EPS15L1: variants seen among roughly 807,000 people sequenced by gnomAD.
EPS15L1 encodes epidermal growth factor receptor pathway substrate 15 like 1.
EPS15L1 carries 43 observed loss-of-function variants against 117.1 expected under a neutral mutation model. The observed-to-expected ratio is 0.37, with a 90% CI of 0.29 to 0.47. EPS15L1 has a LOEUF of 0.47. Among genes scored for constraint, EPS15L1 ranks in the 20% least tolerant of loss-of-function variants. The probability of loss-of-function intolerance (pLI) is 0.99; values close to 1 mark genes in which losing one functional copy is unlikely to be tolerated. For synonymous variants in EPS15L1, 459 were observed against 470.5 expected, an observed-to-expected ratio of 0.98 and a Z score of 0.32; for missense variants, 981 against 1,164.0, an observed-to-expected ratio of 0.84 and a Z score of 2.29.
chr19:16,402,040 A>G (rs945481092), intron 16 of EPS15L1: 21 of 1,179,860 alleles, frequency 1.8e-5, no homozygotes, highest in Non-Finnish European at 2.1e-5. Flanking sequence ...TGGTTGGCCC[A>G]ATGTAAATAC....
In EPS15L1 at chr19:16,417,589, G is replaced by A; in HGVS notation, c.1156C>T (p.Leu386Phe). Residue 386 changes from leucine to phenylalanine, a missense_variant, in exon 12 of 24, where the codon CTT (leucine) becomes TTT (phenylalanine). By Grantham distance (22) the Leu-to-Phe change is conservative. Transcript: ENST00000455140. ...GSGEFTGVKE[L>F]DDISQEIAQL... The stretch of plus-strand genomic sequence containing the variant: ...GCAATCTCTTGACTGATGTCATCAA[G>A]CTCCTTCACGCCAGTAAACTCCCCG... The A allele has an allele frequency of 6.2e-7, 1 of 1,614,170 alleles. No individual in the cohort carries two copies. The highest frequency in any genetic ancestry group is 2.2e-5 in the East Asian group (1 of 44,886).
At chr19:16,400,466 A>G (rs2092589353) in intron 16 of EPS15L1, among the ~76,000 whole-genome samples, 1 of 152,080 alleles carries the variant, frequency 6.6e-6, no homozygotes, top group African/African-American at 2.4e-5. Context: ...TTCCAGATGT[A>G]CCACTGTGGA....
chr19:16,375,146 T>C (rs1158043962), intron 22 of EPS15L1, among the ~76,000 whole-genome samples: 2 of 152,120 alleles, frequency 1.3e-5, no homozygotes, highest in African/African-American at 2.4e-5. Context: ...CATATAAGCA[T>C]GGAGAGTGTG....
chr19:16,372,896 T>G (rs1042071172), intron 22 of EPS15L1, among the ~76,000 whole-genome samples: 1 of 152,224 alleles, frequency 6.6e-6, no homozygotes, highest in Non-Finnish European at 1.5e-5. Context: ...TCTAGCAGAA[T>G]TGGCTGCCCA....
In EPS15L1 at chr19:16,436,371, G is replaced by GT. The variant is rs1246922608; in HGVS notation, c.372+565dup. On this transcript the variant is annotated intron_variant, in intron 6 of 23. Transcript: ENST00000455140. ...ATTCTGTACTTAGAAGACAGCCCTCGTTTTTTTTCTTCTTTCTGGACGCAG... is the reference window on the plus strand; with the variant it reads ...ATTCTGTACTTAGAAGACAGCCCTCGTTTTTTTTTCTTCTTTCTGGACGCAG... 2.6e-5 allele frequency among the ~76,000 whole-genome samples: 4 copies of GT among 152,030 alleles called. No individual in the cohort carries two copies. In the East Asian group the frequency reaches 5.8e-4, roughly 22 times the overall value.
Position 16,361,982 on chromosome 19 carries a change from T to C in EPS15L1, c.2383A>G (p.Lys795Glu). Residue 795 changes from lysine (K) to glutamate (E), a missense_variant and splice_region_variant, in exon 23 of 24, where the codon AAA becomes GAA. Around this residue, in one of 5 missense-constraint regions of EPS15L1, gnomAD observed 819 missense variants for 949.0 expected, o/e 0.86. Transcript: ENST00000455140. ...CCAAGCTGGCTTACAGGTGTACTTT[T>C]ACCTGGAAAGTTTAGGAGAAAAAAA... ...APPRPKPPSGKSTPVSQLGSA... is the reference protein window; with the variant it reads ...APPRPKPPSGESTPVSQLGSA... The C allele has an allele frequency of 6.3e-7, 1 of 1,591,992 alleles. No individual in the cohort carries two copies. The highest frequency in any genetic ancestry group is 8.5e-7 in the Non-Finnish European group (1 of 1,171,458).
intron 21 of EPS15L1, among the ~76,000 whole-genome samples, chr19:16,384,586 G>A (rs901897854): frequency 6.6e-6 from 1 of 152,194 alleles, no homozygotes; most frequent in African/African-American, 2.4e-5. Flanking sequence ...CGTGTGGTGA[G>A]GGCCGGACAC....
chr19:16,419,558 C>T (rs1310320910), intron 10 of EPS15L1, among the ~76,000 whole-genome samples: 1 of 151,954 alleles, frequency 6.6e-6, no homozygotes, highest in East Asian at 1.9e-4. Context: ...TCTTCCTTCA[C>T]CCATGCTGCC....
intron 13 of EPS15L1, among the ~76,000 whole-genome samples, chr19:16,410,843 G>A (rs2144878370): frequency 6.6e-6 from 1 of 152,324 alleles, no homozygotes; most frequent in Admixed American, 6.5e-5. Context: ...AGTCTGGGAG[G>A]CAGAAGTTGC....
chr19:16,427,046 A>G (rs1214920767), intron 8 of EPS15L1, among the ~76,000 whole-genome samples: 1 of 152,162 alleles, frequency 6.6e-6, no homozygotes, highest in Non-Finnish European at 1.5e-5. Context: ...GGTTCACAGG[A>G]AAACTTCGTG....
Position 16,425,283 on chromosome 19 carries a change from C to G in EPS15L1, c.592G>C (p.Glu198Gln), listed in dbSNP as rs754183597. The G allele has an allele frequency of 1.1e-5, 17 of 1,606,594 alleles. No individual in the cohort carries two copies. The highest frequency in any genetic ancestry group is 3.4e-5 in the Admixed American group (2 of 59,000). Residue 198 changes from glutamate (E) to glutamine (Q), a missense_variant, in exon 9 of 24, where the codon GAG (glutamate) becomes CAG (glutamine). Coordinates refer to ENST00000455140, the MANE Select transcript of EPS15L1 (RefSeq NM_001258374.3). ...MHLVYRALEK[E>Q]PVPSALPPSL... ...GGGGGCAGGGCGGAGGGCACGGGCT[C>G]CTTCTCCAGGGCTCGGTACACCAAG...
chr19:16,356,665 T>C (rs758978426), intron 23 of EPS15L1: 6 of 152,228 alleles, frequency 3.9e-5, no homozygotes, highest in Non-Finnish European at 7.3e-5. Context: ...TACACTGCCA[T>C]TTAGTCAAGT....
At chr19:16,442,093 C>T (rs2093037781) in intron 2 of EPS15L1, 85 bp downstream of exon 2, 1 of 1,488,836 alleles carries the variant, frequency 6.7e-7, no homozygotes. Context: ...GGACAAAAGG[C>T]CGCTCAGCCG....
Position 16,383,062 on chromosome 19 carries a change from A to G in EPS15L1, c.2247+2067T>C, listed in dbSNP as rs1454209054. ...AAACAGATAGGTAACCAAAAAGGAA[A>G]AACAGAGCTGCAAGGTCAGGGTTGA... On this transcript the variant is annotated intron_variant, in intron 21 of 23. Transcript: ENST00000455140. This position sits in a 1 kb window ranked among gnomAD's most constrained non-coding sequence, Gnocchi z 5.2. 1 of 152,206 alleles carries G rather than the reference A, an allele frequency of 6.6e-6. No homozygotes were observed. Among genetic ancestry groups the G allele is most frequent in the Non-Finnish European group, 1.5e-5 (1 of 68,026 alleles). 9.4% of individuals were successfully genotyped at this position (152,206 alleles called of 1,614,324 possible).
chr19:16,417,454 T>C (rs1599612378), intron 12 of EPS15L1, 98 bp downstream of exon 12: 3 of 1,008,048 alleles, frequency 3.0e-6, no homozygotes, highest in East Asian at 2.5e-5. Context: ...AAACCTGTGA[T>C]GAGCAAACTT....
At chr19:16,388,783 C>T (rs968137730) in intron 19 of EPS15L1, among the ~76,000 whole-genome samples, 3 of 151,940 alleles carry the variant, frequency 2.0e-5, no homozygotes, top group African/African-American at 7.3e-5. Flanking sequence ...GCTGAGATCA[C>T]GCCACTGCAC....
chr19:16,396,107 A>T (rs542390158), intron 16 of EPS15L1, among the ~76,000 whole-genome samples: 1 of 144,506 alleles, frequency 6.9e-6, no homozygotes, highest in South Asian at 2.1e-4. Flanking sequence ...CTGTATCTTT[A>T]AAAAAAAAAA....
At chr19:16,401,088 GTTTAAA>G in intron 16 of EPS15L1, 1 of 985,288 alleles carries the variant, frequency 1.0e-6, no homozygotes, top group East Asian at 1.1e-4. Flanking sequence ...AATGCTCATC[GTTTAAA>G]TTTAGACGAT....
chr19:16,379,177 C>T lies in EPS15L1; in HGVS notation c.2248-1923G>A, dbSNP rs1680210287. Among the ~76,000 whole-genome samples the T allele has an allele frequency of 2.6e-5, 4 of 152,012 alleles. No homozygotes were observed. The South Asian group carries it at 6.2e-4, about 24-fold the overall frequency. ...AAAATTAGCCGGTCGTGGTGGCGGG[C>T]GCCTGTAGTCCCAACTACTCGGGAG... On this transcript the variant is annotated intron_variant, in intron 21 of 23. Transcript: ENST00000455140.
Sources: gnomAD v4.1 joint callset for allele counts (sites outside exome capture counted in the v4.1 genomes callset) on GRCh38, gnomAD v4.1.1 for gene constraint, gnomAD v4.1.1 regional missense constraint, Gnocchi (gnomAD v3.1) non-coding constraint, MANE v1.5 for transcripts, NCBI Gene and HGNC (gene_info 2026-07-23, HGNC 2026-07-21) for gene names.